Variants in ATL2 observed in about 807,000 individuals in gnomAD.
ATL2 encodes the protein atlastin-2.
Under a neutral mutation model 73.9 loss-of-function variants are expected in ATL2, and 31 were observed. That is an observed-to-expected ratio of 0.42 (90% CI 0.32 to 0.57). The LOEUF (loss-of-function observed/expected upper bound fraction) is 0.57. Ranked by LOEUF, ATL2 falls within the 20% of genes least tolerant of loss-of-function variation. The probability of loss-of-function intolerance (pLI) is 0.14; values close to 1 mark genes in which losing one functional copy is unlikely to be tolerated. For missense variants in ATL2, 738 were observed against 702.6 expected (o/e 1.05, Z -0.57); for synonymous variants, 291 against 237.5 (o/e 1.23, Z -2.07).
At chr2:38,375,660 AAAG>A (rs1671919713) in intron 1 of ATL2, among the ~76,000 whole-genome samples, 2 of 152,240 alleles carry the variant, frequency 1.3e-5, no homozygotes, top group South Asian at 4.1e-4. Flanking sequence ...GAAAGAAAGA[AAAG>A]AACACACACT....
At chr2:38,377,418 C>A (rs896759816), upstream of ATL2, 1 of 591,712 alleles carries the variant, frequency 1.7e-6, no homozygotes, top group Non-Finnish European at 2.9e-6. Flanking sequence ...CCGCCTGTAT[C>A]TCCTCGCCCT....
intron 1 of ATL2, among the ~76,000 whole-genome samples, chr2:38,365,166 A>ACACACACACACACACACAC: frequency 8.1e-6 from 1 of 123,716 alleles, no homozygotes; most frequent in South Asian, 2.3e-4. Flanking sequence ...CACACACACA[A>ACACACACACACACACACAC]ATACACACAC....
chr2:38,315,026 C>A (rs1033451459), intron 5 of ATL2, among the ~76,000 whole-genome samples: 7 of 152,160 alleles, frequency 4.6e-5, no homozygotes, highest in Non-Finnish European at 1.0e-4. Flanking sequence ...CCGAGGCGGG[C>A]GGATCACCCA....
intron 1 of ATL2, among the ~76,000 whole-genome samples, chr2:38,356,988 G>A (rs945810288): frequency 1.3e-5 from 2 of 152,078 alleles, no homozygotes; most frequent in African/African-American, 4.8e-5. Flanking sequence ...GCTGTAAACT[G>A]GAGTACCTTG....
intron 2 of ATL2, among the ~76,000 whole-genome samples, chr2:38,329,912 T>C (rs1255352748): frequency 6.6e-6 from 1 of 152,068 alleles, no homozygotes; most frequent in Non-Finnish European, 1.5e-5. Flanking sequence ...GCAGAATACC[T>C]GAGGTCAGGA....
chr2:38,319,820 A>G (rs1295111611), intron 2 of ATL2, among the ~76,000 whole-genome samples: 2 of 151,928 alleles, frequency 1.3e-5, no homozygotes, highest in Admixed American at 6.6e-5. Flanking sequence ...AAAATAATCA[A>G]TTTTAGGCTG....
intron 9 of ATL2, among the ~76,000 whole-genome samples, chr2:38,303,381 T>C (rs556266250): frequency 2.8e-4 from 43 of 152,116 alleles, no homozygotes; most frequent in African/African-American, 9.6e-4. Context: ...AATTTTTGTA[T>C]TTTTTGTAGA....
intron 2 of ATL2, among the ~76,000 whole-genome samples, chr2:38,340,954 A>G (rs750744048): frequency 5.3e-5 from 8 of 152,208 alleles, no homozygotes; most frequent in Non-Finnish European, 1.2e-4. Context: ...CAACTCCCCC[A>G]GGAAAAGAGA....
intron 7 of ATL2, among the ~76,000 whole-genome samples, chr2:38,311,866 T>G (rs1667774817): frequency 6.6e-6 from 1 of 152,254 alleles, no homozygotes; most frequent in South Asian, 2.1e-4. Flanking sequence ...TGAGTTTAGT[T>G]AGTATGTCTA....
At chr2:38,296,180 A>G in intron 12 of ATL2, 67 bp from the exon 13 acceptor site, 1 of 1,467,534 alleles carries the variant, frequency 6.8e-7, no homozygotes, top group Non-Finnish European at 9.0e-7. Context: ...ATATAAAAAT[A>G]GATATAAAAA....
At chr2:38,378,340 A>G (rs556957348), upstream of ATL2, among the ~76,000 whole-genome samples, 18 of 152,300 alleles carry the variant, frequency 1.2e-4, no homozygotes, top group Admixed American at 6.5e-4. Flanking sequence ...TCCCGGGTTC[A>G]AGCAATTCTC....
intron 1 of ATL2, chr2:38,376,398 G>A (rs1671968607): frequency 6.2e-6 from 3 of 481,708 alleles, no homozygotes; most frequent in South Asian, 5.2e-5. Context: ...TCACACTACA[G>A]ACACTTTCAG....
chr2:38,344,439 G>A (rs1010023197), intron 1 of ATL2, among the ~76,000 whole-genome samples: 39 of 152,178 alleles, frequency 2.6e-4, no homozygotes, highest in Middle Eastern at 3.4e-3. Context: ...GGGAAACCCC[G>A]TCTCTACTAA....
chr2:38,366,663 T>C (rs559636256), intron 1 of ATL2, among the ~76,000 whole-genome samples: 25 of 152,200 alleles, frequency 1.6e-4, no homozygotes, highest in African/African-American at 5.8e-4. Context: ...TCAGAACATA[T>C]AAGCTTAACG....
At chr2:38,319,890 C>T (rs1668225867) in intron 2 of ATL2, among the ~76,000 whole-genome samples, 1 of 151,778 alleles carries the variant, frequency 6.6e-6, no homozygotes, top group Non-Finnish European at 1.5e-5. Flanking sequence ...GGTGGCTCAC[C>T]TGAGGTCAGG....
chr2:38,322,672 C>T (rs1466211484), intron 2 of ATL2, among the ~76,000 whole-genome samples: 6 of 151,996 alleles, frequency 3.9e-5, no homozygotes, highest in Admixed American at 6.6e-5. Flanking sequence ...CCTAGGTTAC[C>T]TTGTAATGGA....
At chr2:38,357,970 T>C (rs1381528841) in intron 1 of ATL2, among the ~76,000 whole-genome samples, 1 of 152,192 alleles carries the variant, frequency 6.6e-6, no homozygotes, top group Non-Finnish European at 1.5e-5. Context: ...TTTAGTGTTA[T>C]TTCCTCCACA....
chr2:38,333,481 T>C (rs1256764245), intron 2 of ATL2, among the ~76,000 whole-genome samples: 1 of 152,180 alleles, frequency 6.6e-6, no homozygotes, highest in Admixed American at 6.5e-5. Context: ...AAACTGGTGG[T>C]TGAGTAGTCA....
chr2:38,301,357 C>A (rs969697804), intron 9 of ATL2, among the ~76,000 whole-genome samples: 2 of 152,188 alleles, frequency 1.3e-5, no homozygotes, highest in African/African-American at 4.8e-5. Flanking sequence ...GTGATCACCA[C>A]CTCCAAGGAA....
Sources: allele counts gnomAD v4.1 joint callset (sites outside exome capture counted in the v4.1 genomes callset), GRCh38; gene constraint gnomAD v4.1.1; transcripts MANE v1.5; gene names NCBI Gene and HGNC (gene_info 2026-07-23, HGNC 2026-07-21).